The following ZFP64 variants were observed in gnomAD, a reference collection of about 807,000 sequenced individuals.
ZFP64 encodes ZFP64 zinc finger protein.
Under a neutral mutation model 51.6 loss-of-function variants are expected in ZFP64, and 14 were observed. That is an observed-to-expected ratio of 0.27 (90% CI 0.18 to 0.42). ZFP64 has a LOEUF of 0.42. ZFP64 is among the 10% of genes least tolerant of loss of function. ZFP64 has a pLI of 1.00. For missense variants in ZFP64, 754 were observed against 906.8 expected (o/e 0.83, Z 2.16); for synonymous variants, 375 against 361.4 (o/e 1.04, Z -0.43).
intron 5 of ZFP64, among the ~76,000 whole-genome samples, chr20:52,103,964 C>A (rs1011192075): frequency 1.3e-5 from 2 of 152,146 alleles, no homozygotes. Flanking sequence ...GAAGTTGATG[C>A]GGAAGCTGGA....
chr20:52,091,423 C>T (rs1568941024), intron 7 of ZFP64, among the ~76,000 whole-genome samples: 1 of 152,052 alleles, frequency 6.6e-6, no homozygotes, highest in Non-Finnish European at 1.5e-5. Context: ...GTGATAGGAA[C>T]ACAATAGAAA....
chr20:52,155,356 C>T (rs1981226590), intron 5 of ZFP64, among the ~76,000 whole-genome samples: 1 of 152,124 alleles, frequency 6.6e-6, no homozygotes, highest in African/African-American at 2.4e-5. Context: ...AAAATGAAGA[C>T]GTCTTTGTTT....
rs142927702 is a variant in ZFP64 at position 52,173,589 on chromosome 20, A to G, written c.287-7564T>C. ...GGTGACAGAGCAAGACCGTCTCTAG[A>G]AAAACAAAACAAAAAACTTCCCAAT... On this transcript the variant is annotated intron_variant, in intron 2 of 5. Coordinates refer to ENST00000216923, the MANE Select transcript of ZFP64 (RefSeq NM_018197.3). Among the ~76,000 whole-genome samples, 888 of 152,268 alleles carry G rather than the reference A, an allele frequency of 5.8e-3. 37 individuals are homozygous for G. In the East Asian group the frequency reaches 0.094, roughly 16 times the overall value.
chr20:52,124,617 T>TG (rs57656893), intron 5 of ZFP64, among the ~76,000 whole-genome samples: 25,392 of 150,078 alleles, frequency 0.17, 2,278 homozygotes, highest in Non-Finnish European at 0.2. Context: ...ACTTTATTAT[T>TG]TTTTTTTTTT....
In ZFP64 at chr20:52,171,212, A is replaced by C. The variant is rs375036149; in HGVS notation, c.287-5187T>G. Among the ~76,000 whole-genome samples, 28 of 152,290 alleles carry C rather than the reference A, an allele frequency of 1.8e-4. 1 individual carries two copies. The highest frequency in any genetic ancestry group is 1.1e-3 in the Admixed American group (17 of 15,296). On this transcript the variant is annotated intron_variant, in intron 2 of 5. Transcript: ENST00000216923. ...GGCCTTTCTAGAATCTGCTGTGAAC[A>C]GCAGGACCTGCAGAGACACCCCAGG... is the stretch of plus-strand genomic sequence containing the variant.
At chr20:52,111,834 C>A (rs752705975) in intron 5 of ZFP64, among the ~76,000 whole-genome samples, 5 of 151,920 alleles carry the variant, frequency 3.3e-5, no homozygotes, top group Non-Finnish European at 5.9e-5. Flanking sequence ...GTAATCCCAG[C>A]ACTTTGGGAG....
At chr20:52,099,527 T>A (rs565225590) in intron 5 of ZFP64, among the ~76,000 whole-genome samples, 1 of 152,238 alleles carries the variant, frequency 6.6e-6, no homozygotes, top group Non-Finnish European at 1.5e-5. Context: ...ACTTGGCTCC[T>A]GATTAGAATA....
chr20:52,107,458 T>A (rs1029009079), intron 5 of ZFP64, among the ~76,000 whole-genome samples: 1 of 152,158 alleles, frequency 6.6e-6, no homozygotes, highest in Non-Finnish European at 1.5e-5. Flanking sequence ...TCTCTCTTTA[T>A]ATGGCCTCCT....
chr20:52,187,657 G>A (rs967354652), intron 1 of ZFP64, among the ~76,000 whole-genome samples: 1 of 151,702 alleles, frequency 6.6e-6, no homozygotes, highest in Non-Finnish European at 1.5e-5. Context: ...AGAAAATTAT[G>A]ATGCATAATT....
intron 4 of ZFP64, among the ~76,000 whole-genome samples, chr20:52,161,240 T>C (rs1390185066): frequency 6.6e-6 from 1 of 152,184 alleles, no homozygotes; most frequent in Non-Finnish European, 1.5e-5. Context: ...ACCTCACTAA[T>C]GCTATGTCAA....
rs146731958 is a variant in ZFP64 at position 52,128,376 on chromosome 20, C to A, written c.764-29789G>T. ...CCCATTATGGTGGTGCCCCACCCACCATAATGTCAATGGACAAGGTGGGTA... is the reference window on the plus strand; with the variant it reads ...CCCATTATGGTGGTGCCCCACCCACAATAATGTCAATGGACAAGGTGGGTA... On this transcript the variant is annotated intron_variant, in intron 5 of 8. Coordinates refer to the ZFP64 transcript ENST00000361387. Among the ~76,000 whole-genome samples, 31 of 152,248 alleles carry A rather than the reference C, an allele frequency of 2.0e-4. 1 individual carries two copies. The East Asian group carries it at 6.0e-3, about 29-fold the overall frequency.
At chr20:52,100,488 C>T (rs960593160) in intron 5 of ZFP64, among the ~76,000 whole-genome samples, 6 of 152,070 alleles carry the variant, frequency 3.9e-5, no homozygotes, top group East Asian at 3.8e-4. Flanking sequence ...TCAAGTGATC[C>T]GCCCATCTCA....
intron 5 of ZFP64, among the ~76,000 whole-genome samples, chr20:52,100,226 T>G (rs1290690378): frequency 3.3e-5 from 5 of 151,794 alleles, no homozygotes; most frequent in African/African-American, 9.7e-5. Context: ...CCTGACCTTG[T>G]GATCCACCCA....
intron 5 of ZFP64, among the ~76,000 whole-genome samples, chr20:52,102,395 G>C (rs958994499): frequency 6.6e-6 from 1 of 152,062 alleles, no homozygotes; most frequent in African/African-American, 2.4e-5. Flanking sequence ...TGCCGATGCT[G>C]GTCTGGGAAC....
chr20:52,151,864 C>A lies in ZFP64; in HGVS notation c.*282G>T. ...GTCAGGAGTTCAACATGATGAAACC[C>A]CGTCTCTACTAAATATACAAAAATT... On this transcript the variant is annotated 3_prime_UTR_variant, in exon 6 of 6. Coordinates refer to ENST00000216923, the MANE Select transcript of ZFP64 (RefSeq NM_018197.3). 2.0e-6 allele frequency: 2 copies of A among 985,026 alleles called. No homozygotes were observed. Among genetic ancestry groups the A allele is most frequent in the Middle Eastern group, 4.3e-4 (1 of 2,342 alleles). 61.0% of individuals were successfully genotyped at this position (985,026 alleles called of 1,614,324 possible).
chr20:52,188,312 T>C (rs6126501), intron 1 of ZFP64, among the ~76,000 whole-genome samples: 1,778 of 106,712 alleles, frequency 0.017, 7 homozygotes, highest in Non-Finnish European at 0.024. Flanking sequence ...TTCTTTCTTT[T>C]TTTTTTTTTT....
chr20:52,088,033 T>A (rs759219859), intron 8 of ZFP64, among the ~76,000 whole-genome samples: 13 of 152,366 alleles, frequency 8.5e-5, no homozygotes, highest in South Asian at 2.1e-4. Flanking sequence ...TTAATTATAC[T>A]TAATGGATCC....
intron 5 of ZFP64, among the ~76,000 whole-genome samples, chr20:52,124,680 G>C (rs1979363405): frequency 6.6e-6 from 1 of 151,620 alleles, no homozygotes; most frequent in African/African-American, 2.4e-5. Flanking sequence ...TGCAATCACT[G>C]CTCACTGCAG....
intron 8 of ZFP64, chr20:52,088,370 G>A: frequency 6.2e-7 from 1 of 1,610,228 alleles, no homozygotes; most frequent in Non-Finnish European, 8.5e-7. Flanking sequence ...AAGGGATTGA[G>A]GTTTCCTGGT....
Sources: gnomAD v4.1 joint callset for allele counts (sites outside exome capture counted in the v4.1 genomes callset) on GRCh38, gnomAD v4.1.1 for gene constraint, MANE v1.5 for transcripts, NCBI Gene and HGNC (gene_info 2026-07-23, HGNC 2026-07-21) for gene names.